The following DIP2C variants were observed in gnomAD, a reference collection of about 807,000 sequenced individuals.
The protein encoded by DIP2C is disco-interacting protein 2 homolog C.
A neutral mutation model predicts 192.4 loss-of-function variants in DIP2C; 33 were observed. The ratio of observed to expected loss-of-function variants is 0.17; its 90% CI spans 0.13 to 0.23. The LOEUF (loss-of-function observed/expected upper bound fraction) is 0.23, where lower values mean the gene tolerates loss of function less well. Among genes scored for constraint, DIP2C ranks in the 10% least tolerant of loss-of-function variants. DIP2C has a pLI of 1.00. For missense variants in DIP2C, 1,537 were observed against 2,110.1 expected, an observed-to-expected ratio of 0.73 and a Z score of 5.32; for synonymous variants, 979 against 864.1, an observed-to-expected ratio of 1.13 and a Z score of -2.33.
chr10:510,766 G>A (rs755114163), intron 1 of DIP2C, among the ~76,000 whole-genome samples: 13 of 152,180 alleles, frequency 8.5e-5, no homozygotes, highest in Admixed American at 3.3e-4. Flanking sequence ...TCCGTGTGCC[G>A]GGGTTTCCAG....
rs1254138535 is a variant in DIP2C, at chr10:353,288, A to C, written c.2985+3138T>G. On this transcript the variant is annotated intron_variant, in intron 24 of 36. Transcript: ENST00000280886. The stretch of plus-strand genomic sequence containing the variant: ...TAAATCAAACAACTTGGGGGAAAAA[A>C]AACCCAAGAAGAAAAAGCCAAACTA... 3.9e-5 allele frequency among the ~76,000 whole-genome samples: 6 copies of C among 152,348 alleles called. No individual in the cohort carries two copies. The South Asian group carries it at 6.2e-4, about 16-fold the overall frequency.
At chr10:565,161 A>G (rs1849394744) in intron 1 of DIP2C, among the ~76,000 whole-genome samples, 1 of 152,120 alleles carries the variant, frequency 6.6e-6, no homozygotes, top group Non-Finnish European at 1.5e-5. Context: ...CAGGGCCTCG[A>G]GTGAGCACAG....
chr10:452,804 C>A (rs777167884), intron 3 of DIP2C, among the ~76,000 whole-genome samples: 5 of 152,180 alleles, frequency 3.3e-5, no homozygotes, highest in Non-Finnish European at 7.3e-5. Flanking sequence ...TGTCCACTGG[C>A]CAGTGGCCCA....
In DIP2C at chr10:362,780, CA is replaced by C. The variant is rs1416514593; in HGVS notation, c.2593-90del. The stretch of plus-strand genomic sequence containing the variant: ...TATGCAAAATATGATCCACAATACA[CA>C]GAAGTCTGTGCAGTATAAGCACTGT... On this transcript the variant is annotated intron_variant, in intron 21 of 36. Coordinates refer to ENST00000280886, the MANE Select transcript of DIP2C (RefSeq NM_014974.3). The C allele has an allele frequency of 2.9e-6, 4 of 1,387,762 alleles. No individual in the cohort carries two copies. In the African/African-American group the frequency reaches 5.8e-5, roughly 20 times the overall value. The allele number at this position is 1,387,762 out of a possible 1,614,324, so 86.0% of individuals were successfully genotyped here.
Position 299,716 on chromosome 10 carries a change from T to A in DIP2C, c.3986+10315A>T, listed in dbSNP as rs76963492. ...CGGAGTGAAAACGCAACCCAGGAAA[T>A]GAAAGCAAGATTTGCAAATCACATA... On this transcript the variant is annotated intron_variant, in intron 32 of 36. Transcript: ENST00000280886. Among the ~76,000 whole-genome samples, 1,095 of 151,992 alleles carry A rather than the reference T, an allele frequency of 7.2e-3. 15 individuals carry two copies. The highest frequency in any genetic ancestry group is 0.025 in the African/African-American group (1,047 of 41,430).
chr10:483,895 C>T (rs1277036675), intron 2 of DIP2C, among the ~76,000 whole-genome samples: 2 of 152,194 alleles, frequency 1.3e-5, no homozygotes, highest in African/African-American at 4.8e-5. Flanking sequence ...TAGCTCACTG[C>T]AGCCTTGACT....
rs1250224514 is a variant in DIP2C at position 422,993 on chromosome 10, C to A, written c.435G>T (p.Gly145=). The A allele has an allele frequency of 1.9e-6, 3 of 1,613,770 alleles. No homozygotes were observed. Among genetic ancestry groups the A allele is most frequent in the Non-Finnish European group, 2.5e-6 (3 of 1,179,806 alleles). The change falls in exon 5 of 37, where the codon GGG becomes GGT. Residue 145 remains glycine (G), a synonymous_variant. Coordinates refer to ENST00000280886, the MANE Select transcript of DIP2C (RefSeq NM_014974.3). ...SGSEDEGSVQ[G]DSQGTPTSSQ... ...TGGAGGTGGGGGTGCCCTGGGAGTC[C>A]CCCTGCACTGAGCCTTCATCTTCTG...
chr10:670,191 C>T (rs1830547573), intron 1 of DIP2C, among the ~76,000 whole-genome samples: 1 of 152,094 alleles, frequency 6.6e-6, no homozygotes, highest in Non-Finnish European at 1.5e-5. Flanking sequence ...CACGTGTGTA[C>T]ATGTGTGCAC....
At chr10:551,015 G>A (rs919455655) in intron 1 of DIP2C, among the ~76,000 whole-genome samples, 23 of 148,570 alleles carry the variant, frequency 1.5e-4, no homozygotes, top group African/African-American at 4.5e-4. Context: ...CCCGGGCCTC[G>A]ATTTCCCCCT....
At chr10:317,028 AAG>A (rs1956805646) in intron 31 of DIP2C, among the ~76,000 whole-genome samples, 1 of 152,242 alleles carries the variant, frequency 6.6e-6, no homozygotes, top group African/African-American at 2.4e-5. Context: ...TGGTTGGAAC[AAG>A]AGTCTCTTGT....
Position 457,533 on chromosome 10 carries a change from G to A in DIP2C, c.268+14906C>T, listed in dbSNP as rs555280756. The stretch of plus-strand genomic sequence containing the variant: ...CCAAAATTCCCTCTTTAGAAATGAC[G>A]AGGCACAGATAGCAAGATTAAATTC... On this transcript the variant is annotated intron_variant, in intron 3 of 36. Transcript: ENST00000280886. Among the ~76,000 whole-genome samples, 7 of 152,250 alleles carry A rather than the reference G, an allele frequency of 4.6e-5. No homozygotes were observed. The East Asian group carries it at 1.2e-3, about 25-fold the overall frequency.
At chr10:344,031 TAAAG>T (rs1348294261) in intron 28 of DIP2C, among the ~76,000 whole-genome samples, 1 of 152,022 alleles carries the variant, frequency 6.6e-6, no homozygotes, top group Non-Finnish European at 1.5e-5. Flanking sequence ...TGACACCACT[TAAAG>T]AAAAGCAGCC....
intron 31 of DIP2C, among the ~76,000 whole-genome samples, chr10:321,588 C>CGGTG: frequency 2.1e-5 from 3 of 144,482 alleles, no homozygotes; most frequent in Non-Finnish European, 3.1e-5. Context: ...TGCGGGGCTC[C>CGGTG]AGCGAGAGAC....
intron 1 of DIP2C, 73 bp from the exon 2 acceptor site, chr10:486,603 A>G (rs546335861): frequency 7.8e-7 from 1 of 1,289,268 alleles, no homozygotes; most frequent in Admixed American, 2.3e-5. Flanking sequence ...GTGCCCAAGA[A>G]GACACAGTTA....
intron 1 of DIP2C, among the ~76,000 whole-genome samples, chr10:610,968 G>A (rs1853058525): frequency 6.7e-6 from 1 of 150,028 alleles, no homozygotes. Context: ...CCTGGTGGGA[G>A]GTGACTGACT....
At chr10:647,763 TG>T (rs1855546222) in intron 1 of DIP2C, among the ~76,000 whole-genome samples, 1 of 146,406 alleles carries the variant, frequency 6.8e-6, no homozygotes, top group African/African-American at 2.6e-5. Flanking sequence ...CATTGGATGG[TG>T]GGAGAGAACA....
chr10:682,847 G>C (rs1831181146), intron 1 of DIP2C, among the ~76,000 whole-genome samples: 2 of 151,778 alleles, frequency 1.3e-5, no homozygotes, highest in South Asian at 4.2e-4. Context: ...TTCAATCTTT[G>C]AATTAAGACA....
intron 1 of DIP2C, among the ~76,000 whole-genome samples, chr10:609,020 T>C (rs1360585168): frequency 2.0e-5 from 3 of 151,970 alleles, no homozygotes; most frequent in African/African-American, 7.3e-5. Flanking sequence ...CCTATAAGCA[T>C]GATTTTGTCA....
chr10:595,332 T>C (rs972790325), intron 1 of DIP2C, among the ~76,000 whole-genome samples: 1 of 152,248 alleles, frequency 6.6e-6, no homozygotes, highest in Non-Finnish European at 1.5e-5. Flanking sequence ...ATATACAAAC[T>C]TGCCATTTTG....
Sources: allele counts gnomAD v4.1 joint callset (sites outside exome capture counted in the v4.1 genomes callset), GRCh38; gene constraint gnomAD v4.1.1; transcripts MANE v1.5; gene names NCBI Gene and HGNC (gene_info 2026-07-23, HGNC 2026-07-21).